The following GNA12 variants were observed in gnomAD, a reference collection of about 807,000 sequenced individuals.
GNA12 encodes the protein G protein subunit alpha 12.
A neutral mutation model predicts 26.0 loss-of-function variants in GNA12; 9 were observed. The observed-to-expected ratio is 0.35, with a 90% CI of 0.21 to 0.60. The LOEUF (loss-of-function observed/expected upper bound fraction) is 0.60, where lower values mean the gene tolerates loss of function less well. GNA12 is among the 20% of genes least tolerant of loss of function. The pLI is 0.78. For missense variants in GNA12, 405 were observed against 525.8 expected (o/e 0.77, Z 2.25); for synonymous variants, 264 against 219.6 (o/e 1.20, Z -1.79).
At position 2,745,106 on chromosome 7, in the gene GNA12, T is replaced by C. The variant is rs187037824; in HGVS notation, c.526-11605A>G. 2.6e-3 allele frequency among the ~76,000 whole-genome samples: 396 copies of C among 152,280 alleles called. 3 individuals carry two copies. The highest frequency in any genetic ancestry group is 3.1e-3 in the Non-Finnish European group (213 of 68,030). On this transcript the variant is annotated intron_variant, in intron 2 of 3. Coordinates refer to ENST00000275364, the MANE Select transcript of GNA12 (RefSeq NM_007353.3). Reference sequence around the variant, plus strand: ...TTGGAAAACACTCTGCAGGATATTATCCAGGAAAACTTCCCCAATCTAGCA... The same window carrying C: ...TTGGAAAACACTCTGCAGGATATTACCCAGGAAAACTTCCCCAATCTAGCA...
intron 1 of GNA12, among the ~76,000 whole-genome samples, chr7:2,831,409 T>C (rs946866856): frequency 2.7e-5 from 4 of 147,930 alleles, no homozygotes; most frequent in Non-Finnish European, 6.0e-5. Context: ...ACTTTCTTTT[T>C]TTTTTTTTTT....
intron 1 of GNA12, among the ~76,000 whole-genome samples, chr7:2,818,013 G>C (rs916040527): frequency 6.6e-6 from 1 of 152,200 alleles, no homozygotes; most frequent in Non-Finnish European, 1.5e-5. Flanking sequence ...CTAGCACACT[G>C]TAAGATTGCT....
chr7:2,804,577 C>T (rs1792898108), intron 1 of GNA12, among the ~76,000 whole-genome samples: 1 of 152,098 alleles, frequency 6.6e-6, no homozygotes, highest in African/African-American at 2.4e-5. Flanking sequence ...TTGTGAAAAA[C>T]TGATAAGAGT....
chr7:2,837,297 C>T (rs1287215213), intron 1 of GNA12, among the ~76,000 whole-genome samples: 2 of 152,180 alleles, frequency 1.3e-5, no homozygotes, highest in African/African-American at 4.8e-5. Flanking sequence ...CAGAGGGGAG[C>T]TGATGTTCCA....
chr7:2,827,259 C>T (rs919074317), intron 1 of GNA12, among the ~76,000 whole-genome samples: 1 of 152,106 alleles, frequency 6.6e-6, no homozygotes, highest in Non-Finnish European at 1.5e-5. Context: ...TCACTACTAA[C>T]GTGTCCAGAT....
chr7:2,753,793 A>T (rs1016135253), intron 2 of GNA12, among the ~76,000 whole-genome samples: 1 of 151,896 alleles, frequency 6.6e-6, no homozygotes, highest in Non-Finnish European at 1.5e-5. Context: ...CTCCTGTGCC[A>T]TAAGTTTTTG....
intron 2 of GNA12, among the ~76,000 whole-genome samples, chr7:2,765,564 A>C (rs560018736): frequency 6.6e-6 from 1 of 152,172 alleles, no homozygotes; most frequent in African/African-American, 2.4e-5. Flanking sequence ...CATTCAATTA[A>C]AGGTAAAGAA....
At chr7:2,790,615 C>T (rs893165707) in intron 2 of GNA12, among the ~76,000 whole-genome samples, 6 of 152,208 alleles carry the variant, frequency 3.9e-5, no homozygotes, top group African/African-American at 1.4e-4. Flanking sequence ...AGGATCCACA[C>T]ACCAAAGACA....
chr7:2,789,807 G>A lies in GNA12; in HGVS notation c.525+5121C>T, dbSNP rs142906440. On this transcript the variant is annotated intron_variant, in intron 2 of 3. Transcript: ENST00000275364. ...TGTGTGTGTGAGGCCTCATTCTGCT[G>A]CCATCATTTTGCAGCCACAGAGGAA... Among the ~76,000 whole-genome samples the A allele has an allele frequency of 8.5e-4, 129 of 152,268 alleles. 1 individual carries two copies. The highest frequency in any genetic ancestry group is 2.9e-3 in the African/African-American group (121 of 41,536).
chr7:2,763,508 G>A (rs1044623377), intron 2 of GNA12, among the ~76,000 whole-genome samples: 2 of 152,246 alleles, frequency 1.3e-5, no homozygotes, highest in African/African-American at 4.8e-5. Context: ...CTATGGCTGA[G>A]GATGAAGCTC....
rs144953774 is a variant in GNA12 at position 2,752,446 on chromosome 7, G to A, written c.526-18945C>T. On this transcript the variant is annotated intron_variant, in intron 2 of 3. Coordinates refer to ENST00000275364, the MANE Select transcript of GNA12 (RefSeq NM_007353.3). Reference sequence around the variant, plus strand: ...AAGTTAGAAAGACTAACAGCAAAAAGCAAGACAGCAAGCAAGCGAACAAAT... The same window carrying A: ...AAGTTAGAAAGACTAACAGCAAAAAACAAGACAGCAAGCAAGCGAACAAAT... Among the ~76,000 whole-genome samples, 488 of 152,256 alleles carry A rather than the reference G, an allele frequency of 3.2e-3. 2 individuals are homozygous for A. Among genetic ancestry groups the A allele is most frequent in the Middle Eastern group, 0.01 (3 of 294 alleles).
intron 2 of GNA12, among the ~76,000 whole-genome samples, chr7:2,740,750 A>C (rs928049593): frequency 6.6e-6 from 1 of 152,184 alleles, no homozygotes; most frequent in African/African-American, 2.4e-5. Flanking sequence ...AGCCCTTAAA[A>C]CTACAGATTT....
rs762683341 is a variant in GNA12, at chr7:2,762,728, T to C, written c.526-29227A>G. 8.1e-5 allele frequency: 127 copies of C among 1,558,648 alleles called. 1 individual carries two copies. In the South Asian group the frequency reaches 1.5e-3, roughly 18 times the overall value. On this transcript the variant is annotated intron_variant, in intron 2 of 3. Coordinates refer to ENST00000275364, the MANE Select transcript of GNA12 (RefSeq NM_007353.3). Reference sequence around the variant, plus strand: ...GAGCGCCAGAGGGAAGCAGGCCCCATGTCCTCCCTCCCGCAGGAAGTGCAC... The same window carrying C: ...GAGCGCCAGAGGGAAGCAGGCCCCACGTCCTCCCTCCCGCAGGAAGTGCAC...
chr7:2,834,474 T>G (rs147938459), intron 1 of GNA12, among the ~76,000 whole-genome samples: 116 of 152,208 alleles, frequency 7.6e-4, no homozygotes, highest in African/African-American at 2.6e-3. Flanking sequence ...GAGTGGAGAG[T>G]AGGGGCTCTG....
At chr7:2,840,040 G>A (rs573702483) in intron 1 of GNA12, among the ~76,000 whole-genome samples, 2 of 152,298 alleles carry the variant, frequency 1.3e-5, no homozygotes, top group South Asian at 2.1e-4. Context: ...GTCTGGGACA[G>A]GAAGGGGAGA....
chr7:2,844,242 G>C lies in GNA12; in HGVS notation c.-81C>G. 1 of 685,226 alleles carries C rather than the reference G, an allele frequency of 1.5e-6. No homozygotes were observed. 42.4% of individuals were successfully genotyped at this position (685,226 alleles called of 1,614,324 possible). ...GCCGGCGAGGGCGAGCCCGGGCCGAGGCACCGCCCCACGCCCCGCCGCTCG... is the reference window on the plus strand; with the variant it reads ...GCCGGCGAGGGCGAGCCCGGGCCGACGCACCGCCCCACGCCCCGCCGCTCG... On this transcript the variant is annotated 5_prime_UTR_variant, in exon 1 of 4. Coordinates refer to ENST00000275364, the MANE Select transcript of GNA12 (RefSeq NM_007353.3).
At chr7:2,818,759 G>GAAAAA (rs71026564) in intron 1 of GNA12, among the ~76,000 whole-genome samples, 7 of 114,762 alleles carry the variant, frequency 6.1e-5, no homozygotes, top group African/African-American at 2.4e-4. Flanking sequence ...ACCCTAACTT[G>GAAAAA]AAAAAAAAAA....
intron 2 of GNA12, among the ~76,000 whole-genome samples, chr7:2,773,199 C>G (rs979252799): frequency 1.3e-5 from 2 of 152,212 alleles, no homozygotes; most frequent in Admixed American, 1.3e-4. Context: ...TAGATACATA[C>G]GTAAATCTCA....
intron 1 of GNA12, among the ~76,000 whole-genome samples, chr7:2,818,004 T>C (rs932061383): frequency 3.9e-5 from 6 of 152,222 alleles, no homozygotes; most frequent in African/African-American, 1.4e-4. Context: ...GAAAAAGTAC[T>C]AGCACACTGT....
Sources: allele counts gnomAD v4.1 joint callset (sites outside exome capture counted in the v4.1 genomes callset), GRCh38; gene constraint gnomAD v4.1.1; transcripts MANE v1.5; gene names NCBI Gene and HGNC (gene_info 2026-07-23, HGNC 2026-07-21).